Variants in TAFA2 observed in about 807,000 individuals in gnomAD.
The protein encoded by TAFA2 is chemokine-like protein TAFA-2.
A neutral mutation model predicts 18.8 loss-of-function variants in TAFA2; 7 were observed. The observed-to-expected ratio is 0.37, with a 90% confidence interval of 0.21 to 0.70. The LOEUF (loss-of-function observed/expected upper bound fraction) is 0.70, where lower values mean the gene tolerates loss of function less well. Among genes scored for constraint, TAFA2 ranks in the 30% least tolerant of loss-of-function variants. The pLI is 0.53. For missense variants in TAFA2, 122 were observed against 158.1 expected (o/e 0.77, Z 1.23); for synonymous variants, 60 against 54.2 (o/e 1.11, Z -0.47).
At chr12:61,980,436 A>T (rs1302874657) in intron 1 of TAFA2, among the ~76,000 whole-genome samples, 9 of 152,128 alleles carry the variant, frequency 5.9e-5, no homozygotes, top group African/African-American at 2.2e-4. Context: ...CTATTCAACA[A>T]AGTATTGGAA....
At chr12:62,234,478 T>C in intron 1 of TAFA2, 1 of 1,072,122 alleles carries the variant, frequency 9.3e-7, no homozygotes, top group South Asian at 1.2e-5. Flanking sequence ...TTGCTTGAGA[T>C]GGTCAGACCT....
intron 1 of TAFA2, among the ~76,000 whole-genome samples, chr12:62,144,503 A>T (rs551746780): frequency 6.6e-5 from 10 of 152,154 alleles, no homozygotes; most frequent in Admixed American, 2.0e-4. Context: ...GTGGAAAAAA[A>T]TTTTTTCAAG....
At chr12:61,764,231 GATA>G (rs1380473551) in intron 2 of TAFA2, among the ~76,000 whole-genome samples, 1 of 4,626 alleles carries the variant, frequency 2.2e-4, no homozygotes. Flanking sequence ...ATGATTGATT[GATA>G]GATAGATAGA....
At chr12:61,902,171 C>T (rs541382215) in intron 1 of TAFA2, among the ~76,000 whole-genome samples, 13 of 150,182 alleles carry the variant, frequency 8.7e-5, no homozygotes, top group Admixed American at 2.0e-4. Flanking sequence ...CCTGTTACAC[C>T]GAGGCTGTCT....
At chr12:61,811,215 T>C (rs931198521) in intron 2 of TAFA2, among the ~76,000 whole-genome samples, 5 of 151,372 alleles carry the variant, frequency 3.3e-5, no homozygotes, top group Non-Finnish European at 4.4e-5. Flanking sequence ...TTGGCTAACA[T>C]TTATTGAGTG....
chr12:62,083,362 G>A (rs1421178636), intron 1 of TAFA2, among the ~76,000 whole-genome samples: 9 of 151,902 alleles, frequency 5.9e-5, no homozygotes, highest in Non-Finnish European at 8.8e-5. Flanking sequence ...TGTCTTCTCA[G>A]AAGAGAGTAA....
At chr12:61,737,764 AATT>A (rs1366135105) in intron 4 of TAFA2, among the ~76,000 whole-genome samples, 9 of 151,824 alleles carry the variant, frequency 5.9e-5, no homozygotes, top group African/African-American at 2.2e-4. Context: ...ATTTGCTTAA[AATT>A]ATCATTATTC....
At chr12:61,925,240 T>C (rs1436380233) in intron 1 of TAFA2, among the ~76,000 whole-genome samples, 1 of 152,136 alleles carries the variant, frequency 6.6e-6, no homozygotes, top group African/African-American at 2.4e-5. Flanking sequence ...GCAGACCTAA[T>C]AGACATCTAC....
intron 1 of TAFA2, among the ~76,000 whole-genome samples, chr12:61,899,963 C>G (rs1382635027): frequency 6.6e-6 from 1 of 152,194 alleles, no homozygotes; most frequent in Non-Finnish European, 1.5e-5. Context: ...GTGGGAGATT[C>G]TAAAATCAAT....
intron 2 of TAFA2, among the ~76,000 whole-genome samples, chr12:61,810,845 A>G (rs1418246869): frequency 6.7e-6 from 1 of 148,480 alleles, no homozygotes; most frequent in East Asian, 2.0e-4. Context: ...CTTATAAATC[A>G]TGTGTGGAAG....
At chr12:62,018,536 T>C (rs1289393841) in intron 1 of TAFA2, among the ~76,000 whole-genome samples, 1 of 152,228 alleles carries the variant, frequency 6.6e-6, no homozygotes, top group East Asian at 1.9e-4. Context: ...TACAACTATC[T>C]GATCTTTGAC....
chr12:61,978,508 T>C (rs1251348537), intron 1 of TAFA2, among the ~76,000 whole-genome samples: 1 of 151,928 alleles, frequency 6.6e-6, no homozygotes, highest in South Asian at 2.1e-4. Context: ...GACATACACC[T>C]ACATCAGACA....
chr12:61,836,739 A>ATG (rs1408943862), intron 2 of TAFA2, among the ~76,000 whole-genome samples: 15,478 of 118,144 alleles, frequency 0.13, 1,413 homozygotes, highest in Non-Finnish European at 0.18. Flanking sequence ...TTTGATATAT[A>ATG]TATATATATA....
At chr12:62,150,231 A>G (rs1179845942) in intron 1 of TAFA2, among the ~76,000 whole-genome samples, 1 of 152,190 alleles carries the variant, frequency 6.6e-6, no homozygotes, top group Non-Finnish European at 1.5e-5. Context: ...CCTAAAAGAG[A>G]TCTTGGATGA....
Position 61,824,648 on chromosome 12 carries a change from T to C in TAFA2, c.106+42672A>G, listed in dbSNP as rs533076557. On this transcript the variant is annotated intron_variant, in intron 2 of 4. Transcript: ENST00000416284. The stretch of plus-strand genomic sequence containing the variant: ...ATAAAGAATTTATGCTAAAAGAAAC[T>C]GGCTGGTTCTTTGGCCATTCCTTGC... 9.2e-5 allele frequency among the ~76,000 whole-genome samples: 14 copies of C among 152,300 alleles called. No individual in the cohort carries two copies. In the South Asian group the frequency reaches 2.9e-3, roughly 32 times the overall value.
intron 1 of TAFA2, among the ~76,000 whole-genome samples, chr12:62,211,501 A>G (rs1162116136): frequency 1.3e-5 from 2 of 151,428 alleles, no homozygotes; most frequent in African/African-American, 4.9e-5. Context: ...AACTGCTTGA[A>G]CCTGGGAGGC....
At chr12:62,131,734 T>A (rs1167060524) in intron 1 of TAFA2, among the ~76,000 whole-genome samples, 1 of 152,064 alleles carries the variant, frequency 6.6e-6, no homozygotes. Context: ...TTTTTAATGT[T>A]CTTTTTTAAT....
intron 1 of TAFA2, among the ~76,000 whole-genome samples, chr12:62,231,951 T>C (rs2062813456): frequency 6.6e-6 from 1 of 152,182 alleles, no homozygotes; most frequent in Admixed American, 6.5e-5. Flanking sequence ...CAAGTTATCC[T>C]CCACCTTGGC....
In TAFA2 at chr12:62,151,991, A is replaced by G. The variant is rs569997488; in HGVS notation, c.-2+39268T>C. ...GGAAAACCATGGAAAGCTGTAGTGC[A>G]AAATATTTTCAATAAAGTGGACATT... On this transcript the variant is annotated intron_variant, in intron 1 of 4. Transcript: ENST00000416284. Among the ~76,000 whole-genome samples, 3 of 152,334 alleles carry G rather than the reference A, an allele frequency of 2.0e-5. No individual in the cohort carries two copies. The East Asian group carries it at 5.8e-4, about 29-fold the overall frequency.
Sources: gnomAD v4.1 joint callset for allele counts (sites outside exome capture counted in the v4.1 genomes callset) on GRCh38, gnomAD v4.1.1 for gene constraint, MANE v1.5 for transcripts, NCBI Gene and HGNC (gene_info 2026-07-23, HGNC 2026-07-21) for gene names.